Variants in PPM1L observed in about 807,000 individuals in gnomAD.
PPM1L encodes the protein protein phosphatase, Mg2+/Mn2+ dependent 1L.
PPM1L carries 13 observed loss-of-function variants against 31.4 expected under a neutral mutation model. That is an observed-to-expected ratio of 0.41 (90% confidence interval 0.27 to 0.66). PPM1L has a LOEUF of 0.66. Ranked by LOEUF, PPM1L falls within the 30% of genes least tolerant of loss-of-function variation. The pLI is 0.29. For missense variants in PPM1L, 326 were observed against 453.7 expected, an observed-to-expected ratio of 0.72 and a Z score of 2.56; for synonymous variants, 184 against 175.4, an observed-to-expected ratio of 1.05 and a Z score of -0.39.
At chr3:160,971,193 C>T (rs543306251) in intron 2 of PPM1L, among the ~76,000 whole-genome samples, 4 of 152,086 alleles carry the variant, frequency 2.6e-5, no homozygotes, top group Admixed American at 6.6e-5. Flanking sequence ...TATGGTGGGA[C>T]GTTGCATCTC....
chr3:160,926,049 C>G (rs955491413), intron 1 of PPM1L, among the ~76,000 whole-genome samples: 3 of 152,136 alleles, frequency 2.0e-5, no homozygotes, highest in Non-Finnish European at 4.4e-5. Flanking sequence ...ATGAGAGAGA[C>G]GGGTCTTGTA....
intron 2 of PPM1L, among the ~76,000 whole-genome samples, chr3:161,013,815 A>T (rs377322033): frequency 6.6e-6 from 1 of 152,082 alleles, no homozygotes; most frequent in Admixed American, 6.6e-5. Flanking sequence ...TGTTGGTTTA[A>T]AGTCTGTTTT....
At chr3:160,899,222 C>G (rs1258063394) in intron 1 of PPM1L, among the ~76,000 whole-genome samples, 1 of 152,072 alleles carries the variant, frequency 6.6e-6, no homozygotes, top group Non-Finnish European at 1.5e-5. Context: ...ATCTTCCAAA[C>G]CTATGCTCTT....
chr3:160,910,234 CTTCCCCTTTCCTTTCCCCTTCCCCT>C (rs1560147879), intron 1 of PPM1L, among the ~76,000 whole-genome samples: 2 of 86,134 alleles, frequency 2.3e-5, no homozygotes, highest in Admixed American at 1.3e-4. Flanking sequence ...TTCCTTTCCC[CTTCCCCTTTCCTTTCCCCTTCCCCT>C]TTCCCCTTCC....
At chr3:160,765,819 C>A (rs2108057610) in intron 1 of PPM1L, among the ~76,000 whole-genome samples, 1 of 151,712 alleles carries the variant, frequency 6.6e-6, no homozygotes, top group Admixed American at 6.6e-5. Context: ...CAAGCTTCGA[C>A]TTTTTTTTTC....
At chr3:160,900,288 A>G (rs1713496476) in intron 1 of PPM1L, among the ~76,000 whole-genome samples, 1 of 152,068 alleles carries the variant, frequency 6.6e-6, no homozygotes, top group Non-Finnish European at 1.5e-5. Context: ...GATTGCTCAT[A>G]TGATTGATTT....
chr3:161,002,341 G>A (rs1422054236), intron 2 of PPM1L, among the ~76,000 whole-genome samples: 1 of 151,950 alleles, frequency 6.6e-6, no homozygotes, highest in Non-Finnish European at 1.5e-5. Context: ...ATAGTCGTTT[G>A]GGTATATACC....
At chr3:160,933,544 C>T (rs896229160) in intron 1 of PPM1L, among the ~76,000 whole-genome samples, 27 of 152,160 alleles carry the variant, frequency 1.8e-4, no homozygotes, top group African/African-American at 5.5e-4. Context: ...CCCCACCTCC[C>T]TCTCTTCCTT....
At chr3:160,966,095 G>C (rs1576748663) in intron 2 of PPM1L, among the ~76,000 whole-genome samples, 1 of 151,972 alleles carries the variant, frequency 6.6e-6, no homozygotes, top group East Asian at 1.9e-4. Context: ...GAAATGGGAA[G>C]TGAGCAAAAA....
chr3:160,888,832 C>A (rs2108044048), intron 1 of PPM1L, among the ~76,000 whole-genome samples: 1 of 152,214 alleles, frequency 6.6e-6, no homozygotes, highest in African/African-American at 2.4e-5. Context: ...GACCACAGTG[C>A]AGTTACATGG....
At chr3:160,897,793 A>T (rs1713398081) in intron 1 of PPM1L, among the ~76,000 whole-genome samples, 1 of 152,238 alleles carries the variant, frequency 6.6e-6, no homozygotes, top group Non-Finnish European at 1.5e-5. Context: ...AGTCTAAACT[A>T]TCCCTGGTGA....
chr3:160,845,115 A>C (rs1714033678), intron 1 of PPM1L, among the ~76,000 whole-genome samples: 1 of 152,190 alleles, frequency 6.6e-6, no homozygotes, highest in African/African-American at 2.4e-5. Flanking sequence ...CCATTGTATT[A>C]ATATGAATAT....
chr3:160,909,249 G>A (rs910214639), intron 1 of PPM1L, among the ~76,000 whole-genome samples: 4 of 152,148 alleles, frequency 2.6e-5, no homozygotes, highest in African/African-American at 7.2e-5. Context: ...CATGAAGGAG[G>A]AAGAGGATTT....
At chr3:160,897,042 C>CTTTTT (rs11298068) in intron 1 of PPM1L, among the ~76,000 whole-genome samples, 3 of 107,436 alleles carry the variant, frequency 2.8e-5, no homozygotes, top group Non-Finnish European at 3.9e-5. Flanking sequence ...ACTACTGACT[C>CTTTTT]TTTTTTTTTT....
chr3:160,835,184 G>C (rs1340776260), intron 1 of PPM1L, among the ~76,000 whole-genome samples: 1 of 76,362 alleles, frequency 1.3e-5, no homozygotes, highest in Non-Finnish European at 2.5e-5. Context: ...ATGGGGTTTT[G>C]AGTGTTTGGG....
intron 1 of PPM1L, among the ~76,000 whole-genome samples, chr3:160,775,883 G>C (rs763834633): frequency 6.6e-6 from 1 of 152,166 alleles, no homozygotes; most frequent in African/African-American, 2.4e-5. Context: ...AAATGTAAAT[G>C]AACCATATCA....
intron 1 of PPM1L, among the ~76,000 whole-genome samples, chr3:160,924,806 C>CAAT (rs1714531164): frequency 1.3e-5 from 2 of 152,120 alleles, no homozygotes; most frequent in Non-Finnish European, 2.9e-5. Flanking sequence ...AGAGATAGGT[C>CAAT]AGTTATGGTA....
intron 1 of PPM1L, among the ~76,000 whole-genome samples, chr3:160,848,026 T>A (rs941403512): frequency 5.3e-5 from 8 of 152,198 alleles, no homozygotes; most frequent in African/African-American, 1.9e-4. Flanking sequence ...ACGATGGTAA[T>A]GGATGTATAT....
Position 161,078,234 on chromosome 3 carries a change from AAGT to A in PPM1L, c.*9081_*9083del, listed in dbSNP as rs1720171123. On this transcript the variant is annotated 3_prime_UTR_variant, in exon 4 of 4. Coordinates refer to ENST00000498165, the MANE Select transcript of PPM1L (RefSeq NM_139245.4). The stretch of plus-strand genomic sequence containing the variant: ...AGGAGAGAAAAAGGGGAAGGAAAAA[AAGT>A]AGTGTTTTTTTGGGGAACAGTATAA... The A allele has an allele frequency of 6.6e-6, 1 of 152,194 alleles. No homozygotes were observed. Among genetic ancestry groups the A allele is most frequent in the Non-Finnish European group, 1.5e-5 (1 of 68,036 alleles). 9.4% of individuals were successfully genotyped at this position (152,194 alleles called of 1,614,324 possible).
Sources: allele counts gnomAD v4.1 joint callset (sites outside exome capture counted in the v4.1 genomes callset), GRCh38; gene constraint gnomAD v4.1.1; transcripts MANE v1.5; gene names NCBI Gene and HGNC (gene_info 2026-07-23, HGNC 2026-07-21).